The following FHIT variants were observed in gnomAD, a reference collection of about 807,000 sequenced individuals.
The protein encoded by FHIT is bis(5'-adenosyl)-triphosphatase.
In FHIT, 19 loss-of-function variants were observed where a neutral mutation model predicts 17.9. The ratio of observed to expected loss-of-function variants is 1.06; its 90% confidence interval spans 0.74 to 1.56. The LOEUF (loss-of-function observed/expected upper bound fraction) is 1.56, where lower values mean the gene tolerates loss of function less well. Ranked by LOEUF, FHIT falls within the 40% of genes most tolerant of loss-of-function variation. The pLI is 0.00. For synonymous variants in FHIT, 81 were observed against 69.7 expected, an observed-to-expected ratio of 1.16 and a Z score of -0.81; for missense variants, 248 against 189.2, an observed-to-expected ratio of 1.31 and a Z score of -1.82.
At chr3:60,356,784 A>C (rs1699683945) in intron 5 of FHIT, among the ~76,000 whole-genome samples, 1 of 121,598 alleles carries the variant, frequency 8.2e-6, no homozygotes, top group South Asian at 2.3e-4. Context: ...AAAAAAACGG[A>C]AGAAAGAGTA....
intron 5 of FHIT, among the ~76,000 whole-genome samples, chr3:60,136,326 G>T (rs1463729091): frequency 1.3e-5 from 2 of 152,108 alleles, no homozygotes; most frequent in Non-Finnish European, 2.9e-5. Context: ...CAGAGCCAAG[G>T]GCTATATATT....
At chr3:61,248,988 C>CT (rs2040549562) in intron 1 of FHIT, among the ~76,000 whole-genome samples, 1 of 152,140 alleles carries the variant, frequency 6.6e-6, no homozygotes, top group Non-Finnish European at 1.5e-5. Flanking sequence ...CTATGTGGTC[C>CT]TTGCACCTTA....
chr3:59,923,328 CAG>C (rs1559734493), intron 7 of FHIT, among the ~76,000 whole-genome samples: 1 of 150,774 alleles, frequency 6.6e-6, no homozygotes, highest in African/African-American at 2.4e-5. Flanking sequence ...CAGGGCGCCA[CAG>C]GAAGTAAAAG....
intron 4 of FHIT, among the ~76,000 whole-genome samples, chr3:60,749,116 T>C (rs1484189071): frequency 6.6e-6 from 1 of 152,278 alleles, no homozygotes; most frequent in South Asian, 2.1e-4. Context: ...AAGTTTGTAA[T>C]AATGTTTGTT....
chr3:60,681,547 G>A (rs115254613), intron 4 of FHIT, among the ~76,000 whole-genome samples: 2,792 of 152,266 alleles, frequency 0.018, 40 homozygotes, highest in Middle Eastern at 0.027. Flanking sequence ...GCTGAGCTAG[G>A]ATGAAAGCTA....
intron 5 of FHIT, among the ~76,000 whole-genome samples, chr3:60,375,075 C>T (rs541682585): frequency 6.7e-6 from 1 of 149,462 alleles, no homozygotes; most frequent in South Asian, 2.2e-4. Context: ...ACTTTATGCT[C>T]TTCAAGAATC....
At chr3:60,194,601 T>C (rs1053585846) in intron 5 of FHIT, among the ~76,000 whole-genome samples, 4 of 151,944 alleles carry the variant, frequency 2.6e-5, no homozygotes, top group Non-Finnish European at 4.4e-5. Context: ...CTAATTAAAC[T>C]AAAAAGCTTC....
chr3:60,336,337 G>A (rs775733526), intron 5 of FHIT, among the ~76,000 whole-genome samples: 24 of 152,176 alleles, frequency 1.6e-4, no homozygotes, highest in South Asian at 4.1e-4. Context: ...ACAGGTGAGC[G>A]CCATTTTGGC....
intron 4 of FHIT, among the ~76,000 whole-genome samples, chr3:60,704,716 A>C (rs1244112518): frequency 6.6e-6 from 1 of 152,206 alleles, no homozygotes; most frequent in Non-Finnish European, 1.5e-5. Context: ...AGGAAGAATA[A>C]AGTGATCCAA....
intron 5 of FHIT, among the ~76,000 whole-genome samples, chr3:60,243,960 G>A (rs1282692020): frequency 6.6e-6 from 1 of 152,058 alleles, no homozygotes; most frequent in Non-Finnish European, 1.5e-5. Context: ...TTACCATCAT[G>A]TACACTCGGT....
intron 8 of FHIT, among the ~76,000 whole-genome samples, chr3:59,776,731 C>T (rs545021896): frequency 6.6e-6 from 1 of 152,328 alleles, no homozygotes; most frequent in African/African-American, 2.4e-5. Context: ...TTATTGAGCA[C>T]TTACTTATGT....
chr3:60,515,127 T>C (rs924434047), intron 5 of FHIT, among the ~76,000 whole-genome samples: 11 of 152,084 alleles, frequency 7.2e-5, no homozygotes, highest in African/African-American at 2.2e-4. Flanking sequence ...GCCTCTGACC[T>C]GGAGCCGAGG....
chr3:59,930,869 T>C (rs1705936923), intron 7 of FHIT, among the ~76,000 whole-genome samples: 1 of 152,132 alleles, frequency 6.6e-6, no homozygotes, highest in South Asian at 2.1e-4. Context: ...CAGTGCTTTC[T>C]ACCTCATCTT....
At chr3:60,291,118 A>G (rs547291859) in intron 5 of FHIT, among the ~76,000 whole-genome samples, 1 of 152,130 alleles carries the variant, frequency 6.6e-6, no homozygotes, top group Non-Finnish European at 1.5e-5. Flanking sequence ...ACACACAAGG[A>G]GTGAGGTTAA....
chr3:60,273,980 GACAATTGAAAGAAC>G (rs1351545936), intron 5 of FHIT, among the ~76,000 whole-genome samples: 1 of 152,118 alleles, frequency 6.6e-6, no homozygotes, highest in African/African-American at 2.4e-5. Flanking sequence ...ATTTAACGAA[GACAATTGAAAGAAC>G]ACAACTATGA....
intron 8 of FHIT, among the ~76,000 whole-genome samples, chr3:59,820,229 A>C (rs1700740556): frequency 6.6e-6 from 1 of 152,218 alleles, no homozygotes; most frequent in East Asian, 1.9e-4. Context: ...AAGTACAAAG[A>C]ACCCAGGACT....
At chr3:60,396,028 A>C (rs1360962779) in intron 5 of FHIT, among the ~76,000 whole-genome samples, 2 of 152,014 alleles carry the variant, frequency 1.3e-5, no homozygotes, top group Non-Finnish European at 2.9e-5. Flanking sequence ...CAGCTAACAC[A>C]CCAAGCCTTC....
intron 2 of FHIT, among the ~76,000 whole-genome samples, chr3:61,065,934 C>A (rs569997680): frequency 6.6e-6 from 1 of 152,024 alleles, no homozygotes; most frequent in African/African-American, 2.4e-5. Flanking sequence ...TGCTTTGTGC[C>A]GCTATAACAG....
At chr3:60,447,715 A>G (rs1042904000) in intron 5 of FHIT, among the ~76,000 whole-genome samples, 3 of 152,184 alleles carry the variant, frequency 2.0e-5, no homozygotes, top group Admixed American at 6.6e-5. Context: ...AGCAAGATGG[A>G]GAATGTTGCT....
Sources: allele counts gnomAD v4.1 joint callset (sites outside exome capture counted in the v4.1 genomes callset), GRCh38; gene constraint gnomAD v4.1.1; transcripts MANE v1.5; gene names NCBI Gene and HGNC (gene_info 2026-07-23, HGNC 2026-07-21).